Variants in CCDC170 observed in about 807,000 individuals in gnomAD.
CCDC170 encodes the protein coiled-coil domain containing 170, also known as coiled-coil domain-containing protein 170.
Under a neutral mutation model 72.6 loss-of-function variants are expected in CCDC170, and 69 were observed. That is an observed-to-expected ratio of 0.95 (90% confidence interval 0.78 to 1.16). The LOEUF (loss-of-function observed/expected upper bound fraction) is 1.16, where lower values mean the gene tolerates loss of function less well. Among genes scored for constraint, CCDC170 ranks in the 50% most tolerant of loss-of-function variants. The probability of loss-of-function intolerance (pLI) is 0.00; values close to 1 mark genes in which losing one functional copy is unlikely to be tolerated. For synonymous variants in CCDC170, 300 were observed against 303.9 expected, an observed-to-expected ratio of 0.99 and a Z score of 0.13; for missense variants, 852 against 832.5, an observed-to-expected ratio of 1.02 and a Z score of -0.29.
At position 151,604,638 on chromosome 6, in the gene CCDC170, C is replaced by T. The variant is rs143038754; in HGVS notation, c.1710+8061C>T. On this transcript the variant is annotated intron_variant, in intron 9 of 10. Transcript: ENST00000239374. Reference sequence around the variant, plus strand: ...TTGAGGCGATGGATAATGCTAATTGCCCTGATTTCGACACGTGCTCTTACG... The same window carrying T: ...TTGAGGCGATGGATAATGCTAATTGTCCTGATTTCGACACGTGCTCTTACG... Among the ~76,000 whole-genome samples the T allele has an allele frequency of 1.6e-4, 24 of 152,260 alleles. No homozygotes were observed. The East Asian group carries it at 4.1e-3, about 26-fold the overall frequency.
intron 7 of CCDC170, among the ~76,000 whole-genome samples, chr6:151,591,560 T>A (rs1437618568): frequency 2.0e-5 from 3 of 152,024 alleles, no homozygotes; most frequent in Non-Finnish European, 4.4e-5. Flanking sequence ...GGTGGTGCAA[T>A]CTCGGCTTAC....
intron 1 of CCDC170, among the ~76,000 whole-genome samples, chr6:151,510,787 G>A (rs1041440799): frequency 1.3e-5 from 2 of 151,622 alleles, no homozygotes; most frequent in African/African-American, 4.8e-5. Context: ...CCAGGCTGGA[G>A]TGCAGTGGCA....
intron 4 of CCDC170, among the ~76,000 whole-genome samples, chr6:151,545,503 T>C (rs997330495): frequency 1.3e-5 from 2 of 152,166 alleles, no homozygotes; most frequent in Non-Finnish European, 2.9e-5. Flanking sequence ...AACTGAATAA[T>C]TCACTTGGCC....
At chr6:151,544,909 C>A (rs1213718654) in intron 4 of CCDC170, among the ~76,000 whole-genome samples, 193 bp downstream of exon 4, 1 of 152,080 alleles carries the variant, frequency 6.6e-6, no homozygotes, top group Admixed American at 6.5e-5. Context: ...TCTTTTCTAG[C>A]ATTATTGGAA....
intron 5 of CCDC170, among the ~76,000 whole-genome samples, chr6:151,553,045 C>T (rs1380041617): frequency 6.6e-6 from 1 of 152,104 alleles, no homozygotes; most frequent in Non-Finnish European, 1.5e-5. Context: ...CATCGGCCTC[C>T]CAAAGTGCTG....
intron 1 of CCDC170, among the ~76,000 whole-genome samples, chr6:151,513,694 A>G (rs1782183003): frequency 6.6e-6 from 1 of 151,080 alleles, no homozygotes; most frequent in South Asian, 2.1e-4. Context: ...GAGGTGGGTG[A>G]ATCATTTGAG....
chr6:151,564,817 T>A (rs769650629), intron 5 of CCDC170, among the ~76,000 whole-genome samples: 14 of 152,166 alleles, frequency 9.2e-5, no homozygotes, highest in Non-Finnish European at 1.8e-4. Flanking sequence ...CAAAGCCAGG[T>A]GAGCCTGTCC....
chr6:151,511,921 CTT>C (rs1206887000), intron 1 of CCDC170, among the ~76,000 whole-genome samples: 1 of 152,122 alleles, frequency 6.6e-6, no homozygotes, highest in Non-Finnish European at 1.5e-5. Context: ...GATCAGAGCT[CTT>C]TGCAGCCTCG....
At chr6:151,561,213 C>G (rs1437888639) in intron 5 of CCDC170, among the ~76,000 whole-genome samples, 6 of 152,014 alleles carry the variant, frequency 3.9e-5, no homozygotes, top group Admixed American at 2.6e-4. Context: ...TTGTTACAAA[C>G]AATCCAATTA....
chr6:151,509,306 G>A (rs1449591987), intron 1 of CCDC170, among the ~76,000 whole-genome samples: 2 of 151,714 alleles, frequency 1.3e-5, no homozygotes, highest in Non-Finnish European at 2.9e-5. Flanking sequence ...TGTCAACAGG[G>A]ACTTCTCATT....
chr6:151,614,716 C>T (rs1288031515), intron 9 of CCDC170, among the ~76,000 whole-genome samples: 3 of 151,654 alleles, frequency 2.0e-5, no homozygotes, highest in East Asian at 1.9e-4. Context: ...GTGATCTGGC[C>T]GGCTGGGATA....
chr6:151,558,987 T>C (rs551919494), intron 5 of CCDC170, among the ~76,000 whole-genome samples: 1 of 151,504 alleles, frequency 6.6e-6, no homozygotes, highest in East Asian at 1.9e-4. Context: ...TTGGGTAATG[T>C]GGTCATTTAA....
Position 151,515,235 on chromosome 6 carries a change from G to A in CCDC170, c.57+21050G>A, listed in dbSNP as rs115328300. The stretch of plus-strand genomic sequence containing the variant: ...ACCCTGTTTTAGGCATTGGCATTAC[G>A]CCATTAGATTTGTAAATCAAAAAGT... On this transcript the variant is annotated intron_variant, in intron 1 of 10. Coordinates refer to ENST00000239374, the MANE Select transcript of CCDC170 (RefSeq NM_025059.4). Among the ~76,000 whole-genome samples the A allele has an allele frequency of 8.4e-3, 1,281 of 152,292 alleles. 24 individuals carry two copies. The highest frequency in any genetic ancestry group is 0.029 in the African/African-American group (1,196 of 41,556).
intron 3 of CCDC170, among the ~76,000 whole-genome samples, chr6:151,540,161 A>G (rs1782662042): frequency 6.6e-6 from 1 of 152,042 alleles, no homozygotes; most frequent in Non-Finnish European, 1.5e-5. Context: ...AATGACAGAA[A>G]TTTATTCCTT....
At chr6:151,540,629 T>C in intron 3 of CCDC170, among the ~76,000 whole-genome samples, 1 of 151,758 alleles carries the variant, frequency 6.6e-6, no homozygotes, top group African/African-American at 2.4e-5. Context: ...TCAAGTGATC[T>C]GTCTGCCTCA....
At position 151,612,367 on chromosome 6, in the gene CCDC170, A is replaced by G. The variant is rs1029060917; in HGVS notation, c.1711-3076A>G. 3.3e-5 allele frequency among the ~76,000 whole-genome samples: 5 copies of G among 152,372 alleles called. No homozygotes were observed. In the East Asian group the frequency reaches 9.6e-4, roughly 29 times the overall value. On this transcript the variant is annotated intron_variant, in intron 9 of 10. Coordinates refer to ENST00000239374, the MANE Select transcript of CCDC170 (RefSeq NM_025059.4). ...AGTCATAGTCATCTCAAAGCCCTTC[A>G]GCAATACATAATCAGGAATCGAGCA...
intron 9 of CCDC170, among the ~76,000 whole-genome samples, chr6:151,612,839 T>C (rs921170884): frequency 7.9e-5 from 12 of 152,172 alleles, no homozygotes; most frequent in African/African-American, 2.7e-4. Context: ...TTTTTTTTAA[T>C]GATCTAACCA....
intron 9 of CCDC170, among the ~76,000 whole-genome samples, chr6:151,602,738 T>C (rs1327859078): frequency 2.0e-5 from 3 of 152,192 alleles, no homozygotes; most frequent in Non-Finnish European, 4.4e-5. Context: ...TCCCCGGCGA[T>C]GCAGAACTGT....
In CCDC170 at chr6:151,497,774, G is replaced by A. The variant is rs182920662; in HGVS notation, c.57+3589G>A. 3.8e-3 allele frequency among the ~76,000 whole-genome samples: 573 copies of A among 151,962 alleles called. 3 individuals carry two copies. Among genetic ancestry groups the A allele is most frequent in the African/African-American group, 0.013 (558 of 41,436 alleles). ...GAGGCTCACTTGAGGTCAGGAGTTCGAGACCATCCTGGCTAACATGGTAAA... is the reference window on the plus strand; with the variant it reads ...GAGGCTCACTTGAGGTCAGGAGTTCAAGACCATCCTGGCTAACATGGTAAA... On this transcript the variant is annotated intron_variant, in intron 1 of 10. Transcript: ENST00000239374.
Sources: gnomAD v4.1 joint callset for allele counts (sites outside exome capture counted in the v4.1 genomes callset) on GRCh38, gnomAD v4.1.1 for gene constraint, MANE v1.5 for transcripts, NCBI Gene and HGNC (gene_info 2026-07-23, HGNC 2026-07-21) for gene names.